The following MOB3B variants were observed in gnomAD, a reference collection of about 807,000 sequenced individuals.
MOB3B encodes MOB kinase activator 3B.
Under a neutral mutation model 18.7 loss-of-function variants are expected in MOB3B, and 7 were observed. The ratio of observed to expected loss-of-function variants is 0.37; its 90% CI spans 0.21 to 0.70. The LOEUF is 0.70. Ranked by LOEUF, MOB3B falls within the 30% of genes least tolerant of loss-of-function variation. The pLI, the probability that MOB3B is intolerant of heterozygous loss-of-function variation, is 0.52. For synonymous variants in MOB3B, 111 were observed against 99.9 expected (o/e 1.11, Z -0.66); for missense variants, 253 against 281.3 (o/e 0.90, Z 0.72).
At chr9:27,477,304 A>G (rs911778025) in intron 1 of MOB3B, among the ~76,000 whole-genome samples, 3 of 152,202 alleles carry the variant, frequency 2.0e-5, no homozygotes, top group Non-Finnish European at 4.4e-5. Context: ...AGATACCAGC[A>G]TGATTCTTCA....
chr9:27,516,420 C>T (rs1347336836), intron 1 of MOB3B, among the ~76,000 whole-genome samples: 2 of 152,072 alleles, frequency 1.3e-5, no homozygotes, highest in East Asian at 3.9e-4. Flanking sequence ...CTAAAATAGC[C>T]CAAAGAGTTT....
intron 1 of MOB3B, among the ~76,000 whole-genome samples, chr9:27,461,343 G>A (rs988235143): frequency 3.9e-5 from 6 of 152,312 alleles, no homozygotes; most frequent in Middle Eastern, 3.4e-3. Context: ...TTTACCTTAT[G>A]CCTACTTAGT....
chr9:27,393,022 T>G (rs913992537), intron 2 of MOB3B, among the ~76,000 whole-genome samples: 5 of 152,214 alleles, frequency 3.3e-5, no homozygotes, highest in African/African-American at 1.2e-4. Flanking sequence ...GCTGATTAAC[T>G]GATTGTCCCT....
chr9:27,503,082 A>G (rs1370485202), intron 1 of MOB3B, among the ~76,000 whole-genome samples: 1 of 152,148 alleles, frequency 6.6e-6, no homozygotes, highest in Non-Finnish European at 1.5e-5. Context: ...AATTCAGTGA[A>G]GCAGGAGCCG....
intron 2 of MOB3B, among the ~76,000 whole-genome samples, chr9:27,363,261 C>G (rs1207369905): frequency 2.0e-5 from 3 of 151,934 alleles, no homozygotes; most frequent in Non-Finnish European, 4.4e-5. Flanking sequence ...TCAGGTTTTT[C>G]GTTTTTTTGT....
chr9:27,361,179 T>A (rs2131358160), intron 2 of MOB3B, among the ~76,000 whole-genome samples: 1 of 152,314 alleles, frequency 6.6e-6, no homozygotes, highest in Middle Eastern at 3.4e-3. Context: ...TTATTCCTAT[T>A]AATGTTTCAT....
intron 3 of MOB3B, chr9:27,358,750 T>A: frequency 1.6e-6 from 1 of 613,526 alleles, no homozygotes; most frequent in Admixed American, 1.9e-5. Context: ...AGTGGAAGAA[T>A]GACTTTGGAA....
At chr9:27,351,789 G>A (rs1323099230) in intron 3 of MOB3B, among the ~76,000 whole-genome samples, 1 of 152,166 alleles carries the variant, frequency 6.6e-6, no homozygotes, top group East Asian at 1.9e-4. Flanking sequence ...AAGTGTATGT[G>A]TGGCCTGGCT....
In MOB3B at chr9:27,328,734, C is replaced by T. The variant is rs560650604; in HGVS notation, c.*1853G>A. 1 of 152,556 alleles carries T rather than the reference C, an allele frequency of 6.6e-6. No individual in the cohort carries two copies. Among genetic ancestry groups the T allele is most frequent in the South Asian group, 2.1e-4 (1 of 4,822 alleles). The allele number at this position is 152,556 out of a possible 1,614,324, so 9.5% of individuals were successfully genotyped here. A position where few individuals can be genotyped will look rare whatever the true frequency, so the allele number is the denominator to read the frequency against. On this transcript the variant is annotated 3_prime_UTR_variant, in exon 4 of 4. Coordinates refer to ENST00000262244, the MANE Select transcript of MOB3B (RefSeq NM_024761.5). The stretch of plus-strand genomic sequence containing the variant: ...TCTCTGTGCCACTGTGCTGCATTCC[C>T]ATCTGGTAACTGTGTATTGCAGAGG...
chr9:27,384,003 A>C (rs1224119356), intron 2 of MOB3B, among the ~76,000 whole-genome samples: 1 of 152,232 alleles, frequency 6.6e-6, no homozygotes, highest in African/African-American at 2.4e-5. Context: ...AGCATTATAA[A>C]GGCTCTGAGA....
chr9:27,386,810 T>C (rs1477406461), intron 2 of MOB3B, among the ~76,000 whole-genome samples: 1 of 152,182 alleles, frequency 6.6e-6, no homozygotes, highest in Non-Finnish European at 1.5e-5. Context: ...CTCACAACTC[T>C]TGTGTTATAT....
intron 2 of MOB3B, among the ~76,000 whole-genome samples, chr9:27,395,448 A>ATT (rs148114962): frequency 5.3e-5 from 8 of 149,656 alleles, no homozygotes; most frequent in Non-Finnish European, 1.0e-4. Context: ...TAATAAATAG[A>ATT]TTTTTTAAAA....
intron 3 of MOB3B, among the ~76,000 whole-genome samples, chr9:27,338,792 A>G (rs576440343): frequency 2.0e-5 from 3 of 152,132 alleles, no homozygotes; most frequent in South Asian, 2.1e-4. Context: ...CTAGAATCCA[A>G]ATAGCTGTAT....
intron 2 of MOB3B, among the ~76,000 whole-genome samples, chr9:27,368,296 C>T (rs1394545148): frequency 6.6e-6 from 1 of 151,998 alleles, no homozygotes; most frequent in Admixed American, 6.6e-5. Flanking sequence ...ATTCTCCTGC[C>T]TCCTGCTCTC....
At chr9:27,360,934 G>A (rs1821265972) in intron 2 of MOB3B, among the ~76,000 whole-genome samples, 1 of 152,110 alleles carries the variant, frequency 6.6e-6, no homozygotes, top group Non-Finnish European at 1.5e-5. Flanking sequence ...GAAGGTGGAG[G>A]GCAGCCACAT....
chr9:27,478,199 T>A (rs1374477178), intron 1 of MOB3B, among the ~76,000 whole-genome samples: 1 of 152,186 alleles, frequency 6.6e-6, no homozygotes, highest in Non-Finnish European at 1.5e-5. Flanking sequence ...CAAACTCAAA[T>A]TGTTCTGTAG....
chr9:27,476,226 G>T (rs980352968), intron 1 of MOB3B, among the ~76,000 whole-genome samples: 33 of 152,330 alleles, frequency 2.2e-4, no homozygotes, highest in Middle Eastern at 3.4e-3. Context: ...CTCAAAACTA[G>T]GTGGCTTAAA....
At chr9:27,504,267 T>C (rs1191514618) in intron 1 of MOB3B, among the ~76,000 whole-genome samples, 2 of 152,184 alleles carry the variant, frequency 1.3e-5, no homozygotes, top group African/African-American at 4.8e-5. Flanking sequence ...TACTGCAGGA[T>C]TTGCACCATG....
At chr9:27,487,425 C>T (rs1416519718) in intron 1 of MOB3B, among the ~76,000 whole-genome samples, 1 of 152,052 alleles carries the variant, frequency 6.6e-6, no homozygotes, top group Non-Finnish European at 1.5e-5. Context: ...GGCATGTCTC[C>T]TTATAAAATT....
Sources: gnomAD v4.1 joint callset for allele counts (sites outside exome capture counted in the v4.1 genomes callset) on GRCh38, gnomAD v4.1.1 for gene constraint, MANE v1.5 for transcripts, NCBI Gene and HGNC (gene_info 2026-07-23, HGNC 2026-07-21) for gene names.